The following PCP4 variants were observed in gnomAD, a reference collection of about 807,000 sequenced individuals.
PCP4 encodes Purkinje cell protein 4.
Under a neutral mutation model 10.0 loss-of-function variants are expected in PCP4, and 8 were observed. The observed-to-expected ratio is 0.80, with a 90% CI of 0.47 to 1.45. PCP4 has a LOEUF of 1.45. PCP4 is among the 40% of genes most tolerant of loss of function. PCP4 has a pLI of 0.00. For synonymous variants in PCP4, 21 were observed against 23.0 expected (o/e 0.91, Z 0.24); for missense variants, 54 against 74.4 (o/e 0.73, Z 1.01).
intron 2 of PCP4, among the ~76,000 whole-genome samples, chr21:39,913,479 G>A (rs1361841185): frequency 6.6e-6 from 1 of 152,222 alleles, no homozygotes; most frequent in Non-Finnish European, 1.5e-5. Context: ...ACAACATTCT[G>A]ATGTGGGATG....
rs553785571 is a variant in PCP4, at chr21:39,907,729, G to A, written c.61+9202G>A. ...TGACAATCACTTGAACCCAGGAGGC[G>A]GAGATTGAGGTGAGCAGACATCGTG... is the stretch of plus-strand genomic sequence containing the variant. On this transcript the variant is annotated intron_variant, in intron 2 of 2. Coordinates refer to ENST00000328619, the MANE Select transcript of PCP4 (RefSeq NM_006198.3). 3.3e-5 allele frequency among the ~76,000 whole-genome samples: 5 copies of A among 152,194 alleles called. No homozygotes were observed. In the East Asian group the frequency reaches 5.8e-4, roughly 18 times the overall value.
At chr21:39,894,053 G>A (rs989599197) in intron 1 of PCP4, among the ~76,000 whole-genome samples, 6 of 152,248 alleles carry the variant, frequency 3.9e-5, no homozygotes, top group African/African-American at 1.4e-4. Flanking sequence ...CCAAACAGGA[G>A]CATTTTATGG....
chr21:39,873,719 T>G (rs1601169935), intron 1 of PCP4, among the ~76,000 whole-genome samples: 1 of 152,194 alleles, frequency 6.6e-6, no homozygotes, highest in South Asian at 2.1e-4. Context: ...GGTATAGATA[T>G]GGGAATGTTC....
At chr21:39,869,569 C>T (rs961860844) in intron 1 of PCP4, among the ~76,000 whole-genome samples, 8 of 152,198 alleles carry the variant, frequency 5.3e-5, no homozygotes, top group African/African-American at 1.9e-4. Flanking sequence ...CTGCCCTCTT[C>T]TCCCCCTCAC....
chr21:39,874,394 A>C (rs1797988633), intron 1 of PCP4, among the ~76,000 whole-genome samples: 1 of 152,196 alleles, frequency 6.6e-6, no homozygotes, highest in South Asian at 2.1e-4. Context: ...AGATCACGCT[A>C]TTCCTGGTAT....
intron 1 of PCP4, among the ~76,000 whole-genome samples, chr21:39,874,756 G>C (rs1178061928): frequency 6.7e-6 from 1 of 150,144 alleles, no homozygotes; most frequent in Non-Finnish European, 1.5e-5. Context: ...GGTTACACCT[G>C]CTTTAAAATT....
chr21:39,918,916 C>CT (rs889320842), intron 2 of PCP4, among the ~76,000 whole-genome samples: 2 of 152,134 alleles, frequency 1.3e-5, no homozygotes, highest in Non-Finnish European at 2.9e-5. Context: ...AGCTTATTGT[C>CT]TTTTTTTAAA....
At chr21:39,880,486 T>C (rs943935165) in intron 1 of PCP4, among the ~76,000 whole-genome samples, 2 of 151,830 alleles carry the variant, frequency 1.3e-5, no homozygotes, top group African/African-American at 4.8e-5. Context: ...TGCATGCGTG[T>C]GAGTGTGTGT....
intron 2 of PCP4, among the ~76,000 whole-genome samples, chr21:39,907,226 A>G (rs1284643397): frequency 6.6e-6 from 1 of 152,136 alleles, no homozygotes; most frequent in Non-Finnish European, 1.5e-5. Flanking sequence ...TCTCCCCTCC[A>G]CATGAGGCAG....
intron 1 of PCP4, among the ~76,000 whole-genome samples, chr21:39,888,169 G>A (rs187671942): frequency 5.4e-4 from 82 of 152,306 alleles, no homozygotes; most frequent in Admixed American, 5.2e-3. Flanking sequence ...ACAGCACCGG[G>A]GGATAGACGC....
intron 2 of PCP4, among the ~76,000 whole-genome samples, chr21:39,903,892 A>AAAAAAAAAAAAAAC (rs2087494324): frequency 6.6e-6 from 1 of 151,680 alleles, no homozygotes; most frequent in Non-Finnish European, 1.5e-5. Flanking sequence ...AAAAAAAAAA[A>AAAAAAAAAAAAAAC]AAAAGACTTA....
chr21:39,874,213 C>T (rs796241476), intron 1 of PCP4, among the ~76,000 whole-genome samples: 70 of 152,324 alleles, frequency 4.6e-4, no homozygotes, highest in African/African-American at 1.6e-3. Context: ...GGGAGTCCCT[C>T]TCTTCAAGGT....
intron 1 of PCP4, among the ~76,000 whole-genome samples, chr21:39,890,196 T>A (rs1264294355): frequency 6.6e-6 from 1 of 152,206 alleles, no homozygotes; most frequent in Non-Finnish European, 1.5e-5. Context: ...TGTATTAGAA[T>A]AATTTTCTGA....
Position 39,929,180 on chromosome 21 carries a change from A to G in PCP4, c.*69A>G. ...CCATCATCTGTCAAGAAATTAAAAG[A>G]ACAACACCCTAGAGAGAAGTCATCC... is the stretch of plus-strand genomic sequence containing the variant. On this transcript the variant is annotated 3_prime_UTR_variant, in exon 3 of 3. Coordinates refer to ENST00000328619, the MANE Select transcript of PCP4 (RefSeq NM_006198.3). The G allele has an allele frequency of 6.6e-7, 1 of 1,505,164 alleles. No homozygotes were observed. The highest frequency in any genetic ancestry group is 9.1e-7 in the Non-Finnish European group (1 of 1,103,448). 93.2% of individuals were successfully genotyped at this position (1,505,164 alleles called of 1,614,324 possible). A position where few individuals can be genotyped will look rare whatever the true frequency, so the allele number is the denominator to read the frequency against.
intron 1 of PCP4, among the ~76,000 whole-genome samples, chr21:39,892,953 C>A (rs958807302): frequency 3.4e-4 from 52 of 152,278 alleles, no homozygotes; most frequent in Non-Finnish European, 6.8e-4. Context: ...ACAAACATTG[C>A]ATATTCTTAC....
At chr21:39,925,494 G>A (rs550619263) in intron 2 of PCP4, among the ~76,000 whole-genome samples, 9 of 152,330 alleles carry the variant, frequency 5.9e-5, no homozygotes, top group African/African-American at 1.9e-4. Context: ...ACAAAGTCCC[G>A]GGCCTCACAG....
intron 1 of PCP4, among the ~76,000 whole-genome samples, chr21:39,871,652 C>T (rs538557672): frequency 5.9e-5 from 9 of 152,216 alleles, no homozygotes; most frequent in Middle Eastern, 3.4e-3. Flanking sequence ...TCACCAGTTA[C>T]AATCTGGGTT....
At chr21:39,893,459 G>A (rs1268845157) in intron 1 of PCP4, among the ~76,000 whole-genome samples, 3 of 152,116 alleles carry the variant, frequency 2.0e-5, no homozygotes, top group East Asian at 1.9e-4. Context: ...TTTTATTCAC[G>A]AACACTGCCA....
intron 2 of PCP4, among the ~76,000 whole-genome samples, chr21:39,900,901 G>A (rs1427908552): frequency 2.8e-5 from 1 of 35,142 alleles, no homozygotes; most frequent in Non-Finnish European, 5.2e-5. Flanking sequence ...TTAAAATGGA[G>A]AAAGTTTTAA....
Sources: gnomAD v4.1 joint callset for allele counts (sites outside exome capture counted in the v4.1 genomes callset) on GRCh38, gnomAD v4.1.1 for gene constraint, MANE v1.5 for transcripts, NCBI Gene and HGNC (gene_info 2026-07-23, HGNC 2026-07-21) for gene names.